AAMDC: variants seen among roughly 807,000 people sequenced by gnomAD.
AAMDC encodes mth938 domain-containing protein.
AAMDC carries 16 observed loss-of-function variants against 15.5 expected under a neutral mutation model. That is an observed-to-expected ratio of 1.03 (90% confidence interval 0.70 to 1.57). AAMDC has a LOEUF of 1.57. AAMDC is among the 40% of genes most tolerant of loss of function. The pLI, the probability that AAMDC is intolerant of heterozygous loss-of-function variation, is 0.00. For synonymous variants in AAMDC, 51 were observed against 51.6 expected (o/e 0.99, Z 0.05); for missense variants, 141 against 144.9 (o/e 0.97, Z 0.14).
intron 1 of AAMDC, among the ~76,000 whole-genome samples, chr11:77,835,291 G>A (rs996394056): frequency 2.0e-5 from 3 of 152,040 alleles, no homozygotes; most frequent in Non-Finnish European, 4.4e-5. Context: ...GGATGTGATC[G>A]CCAGAGCTCC....
intron 2 of AAMDC, among the ~76,000 whole-genome samples, chr11:77,852,574 C>T (rs1050469595): frequency 6.6e-6 from 1 of 152,022 alleles, no homozygotes; most frequent in Non-Finnish European, 1.5e-5. Flanking sequence ...ATGAGATTTG[C>T]GCAGGGACAC....
chr11:77,876,994 G>T (rs1015397745), downstream of AAMDC: 5 of 703,098 alleles, frequency 7.1e-6, no homozygotes, highest in Admixed American at 2.0e-5. Flanking sequence ...TCAGGGCTGT[G>T]GTACAATTCC....
At chr11:77,891,708 G>T in intron 5 of AAMDC, 1 of 1,611,990 alleles carries the variant, frequency 6.2e-7, no homozygotes, top group Non-Finnish European at 8.5e-7. Context: ...GATGCAGAAA[G>T]GCACTCTGTC....
At position 77,869,729 on chromosome 11, in the gene AAMDC, C is replaced by T. The variant is rs778154745; in HGVS notation, c.140C>T (p.Pro47Leu). ...TTCTCTTTCCACATCCAGCATTCTCCTGGTGTGCAGCCTGCAGATGTGAAG... is the reference window on the plus strand; with the variant it reads ...TTCTCTTTCCACATCCAGCATTCTCTTGGTGTGCAGCCTGCAGATGTGAAG... ...DWRETGTEHS[P>L]GVQPADVKEV... Residue 47 changes from proline to leucine, a missense_variant, in exon 3 of 4, where the codon CCT (proline) becomes CTT (leucine). By Grantham distance (98) the Pro-to-Leu change is moderately conservative. Transcript: ENST00000393427. The T allele has an allele frequency of 5.6e-6, 9 of 1,613,730 alleles. No individual in the cohort carries two copies. Among genetic ancestry groups the T allele is most frequent in the Middle Eastern group, 1.6e-4 (1 of 6,084 alleles).
At chr11:77,901,722 T>C (rs1952783667), downstream of AAMDC, among the ~76,000 whole-genome samples, 2 of 152,064 alleles carry the variant, frequency 1.3e-5, no homozygotes, top group Non-Finnish European at 2.9e-5. Flanking sequence ...AAAAAGAGAA[T>C]AAATTATTTT....
chr11:77,844,082 TG>T (rs1171410477), intron 2 of AAMDC, among the ~76,000 whole-genome samples: 3 of 152,140 alleles, frequency 2.0e-5, no homozygotes, highest in Non-Finnish European at 4.4e-5. Context: ...AGATGAGATT[TG>T]GGTGGGGACA....
At chr11:77,895,285 G>T (rs1280665085) in intron 5 of AAMDC, among the ~76,000 whole-genome samples, 1 of 151,688 alleles carries the variant, frequency 6.6e-6, no homozygotes, top group Non-Finnish European at 1.5e-5. Flanking sequence ...GAGGAATAAA[G>T]TTCCCACCAA....
At chr11:77,875,181 A>G (rs951198072), downstream of AAMDC, among the ~76,000 whole-genome samples, 4 of 152,224 alleles carry the variant, frequency 2.6e-5, no homozygotes, top group African/African-American at 7.2e-5. Context: ...GCAGCATGCC[A>G]TGGTACTGCT....
intron 2 of AAMDC, among the ~76,000 whole-genome samples, chr11:77,848,269 T>C (rs1950225228): frequency 6.6e-6 from 1 of 152,200 alleles, no homozygotes; most frequent in African/African-American, 2.4e-5. Context: ...CTTCCACACT[T>C]GAGAGATCCA....
At chr11:77,884,162 T>C (rs1002577901) in intron 5 of AAMDC, among the ~76,000 whole-genome samples, 3 of 152,144 alleles carry the variant, frequency 2.0e-5, no homozygotes, top group Admixed American at 1.3e-4. Flanking sequence ...CCTGAATTCA[T>C]GGTGAATAAG....
downstream of AAMDC, among the ~76,000 whole-genome samples, chr11:77,905,527 G>A (rs1240220623): frequency 6.6e-6 from 1 of 151,546 alleles, no homozygotes; most frequent in Non-Finnish European, 1.5e-5. Context: ...TCAGAAATCT[G>A]ACTCCATGAA....
intron 5 of AAMDC, chr11:77,878,828 C>G: frequency 1.3e-6 from 1 of 792,514 alleles, no homozygotes; most frequent in Non-Finnish European, 2.2e-6. Flanking sequence ...CCAGATGAGA[C>G]TGTAAGGGTC....
chr11:77,887,298 A>G (rs1196899778), intron 5 of AAMDC, among the ~76,000 whole-genome samples: 1 of 152,258 alleles, frequency 6.6e-6, no homozygotes, highest in African/African-American at 2.4e-5. Flanking sequence ...AATCCATCAT[A>G]TAAACAGAAC....
At chr11:77,900,293 G>T (rs1318720387) in intron 5 of AAMDC, among the ~76,000 whole-genome samples, 3 of 152,016 alleles carry the variant, frequency 2.0e-5, no homozygotes, top group African/African-American at 7.2e-5. Flanking sequence ...TAGAGACAGG[G>T]TTTCACCATG....
intron 2 of AAMDC, among the ~76,000 whole-genome samples, chr11:77,860,406 C>T (rs1565209439): frequency 6.6e-6 from 1 of 152,228 alleles, no homozygotes; most frequent in Non-Finnish European, 1.5e-5. Context: ...GGGTACATTC[C>T]TCACTGAGGG....
At chr11:77,877,745 T>C (rs953645727) in intron 5 of AAMDC, among the ~76,000 whole-genome samples, 4 of 148,400 alleles carry the variant, frequency 2.7e-5, no homozygotes, top group Non-Finnish European at 5.9e-5. Flanking sequence ...ATATCACACT[T>C]GCAATTTTTT....
intron 5 of AAMDC, among the ~76,000 whole-genome samples, chr11:77,889,790 C>T (rs1176338319): frequency 6.6e-6 from 1 of 152,150 alleles, no homozygotes; most frequent in Non-Finnish European, 1.5e-5. Flanking sequence ...AGTGAGTTTC[C>T]TGTCCCTCTA....
chr11:77,854,482 C>A (rs1365278506), intron 2 of AAMDC, among the ~76,000 whole-genome samples: 4 of 152,172 alleles, frequency 2.6e-5, no homozygotes, highest in Non-Finnish European at 4.4e-5. Flanking sequence ...TTATCCAAAA[C>A]AAAGAAGCTA....
chr11:77,869,541 T>G (rs541394529), intron 2 of AAMDC, among the ~76,000 whole-genome samples, 181 bp from the exon 3 acceptor site: 2 of 152,190 alleles, frequency 1.3e-5, no homozygotes, highest in South Asian at 4.1e-4. Context: ...GGTCTTGAAC[T>G]CCTAGGTTCA....
Sources: allele counts gnomAD v4.1 joint callset (sites outside exome capture counted in the v4.1 genomes callset), GRCh38; gene constraint gnomAD v4.1.1; transcripts MANE v1.5; gene names NCBI Gene and HGNC (gene_info 2026-07-23, HGNC 2026-07-21).